Variants in TBXAS1 observed in about 807,000 individuals in gnomAD.
TBXAS1 encodes thromboxane A synthase 1, also known as thromboxane-A synthase.
Under a neutral mutation model 60.7 loss-of-function variants are expected in TBXAS1, and 48 were observed. The observed-to-expected ratio is 0.79, with a 90% CI of 0.63 to 1.01. The LOEUF (loss-of-function observed/expected upper bound fraction) is 1.01, where lower values mean the gene tolerates loss of function less well. Among genes scored for constraint, TBXAS1 ranks in the 50% least tolerant of loss-of-function variants. The pLI, the probability that TBXAS1 is intolerant of heterozygous loss-of-function variation, is 0.00. For missense variants in TBXAS1, 685 were observed against 686.3 expected, an observed-to-expected ratio of 1.00 and a Z score of 0.02; for synonymous variants, 287 against 269.7, an observed-to-expected ratio of 1.06 and a Z score of -0.63.
chr7:140,020,172 T>G lies in TBXAS1; in HGVS notation c.*73T>G. The G allele has an allele frequency of 6.7e-7, 1 of 1,481,804 alleles. No individual in the cohort carries two copies. Among genetic ancestry groups the G allele is most frequent in the Non-Finnish European group, 9.4e-7 (1 of 1,061,840 alleles). 91.8% of individuals were successfully genotyped at this position (1,481,804 alleles called of 1,614,324 possible). ...AACCCTAAGTGTGGATGTTCAGAATTTTGGAAAAATGTCACTGAAGTGATT... is the reference window on the plus strand; with the variant it reads ...AACCCTAAGTGTGGATGTTCAGAATGTTGGAAAAATGTCACTGAAGTGATT... On this transcript the variant is annotated 3_prime_UTR_variant, in exon 13 of 13. Coordinates refer to ENST00000448866, the MANE Select transcript of TBXAS1 (RefSeq NM_001061.7).
intron 1 of TBXAS1, among the ~76,000 whole-genome samples, chr7:139,865,897 G>A (rs1584715573): frequency 1.4e-5 from 2 of 142,550 alleles, no homozygotes; most frequent in South Asian, 2.3e-4. Flanking sequence ...GAGGAAGGAG[G>A]GAGGGAGGAA....
rs1392520919 is a variant in TBXAS1, at chr7:139,984,849, AAAAG to A, written c.1135-22231_1135-22228del. ...AGAAAGAAAGAGGAAGGAAGGAAGG[AAAAG>A]AAAGAAAGAAGAAAGAGAAAGAAAG... On this transcript the variant is annotated intron_variant, in intron 9 of 12. Coordinates refer to ENST00000448866, the MANE Select transcript of TBXAS1 (RefSeq NM_001061.7). Among the ~76,000 whole-genome samples the A allele has an allele frequency of 3.4e-3, 510 of 150,794 alleles. 6 individuals are homozygous for A. Among genetic ancestry groups the A allele is most frequent in the African/African-American group, 0.011 (472 of 41,068 alleles).
At chr7:139,980,566 A>G (rs1811888621) in intron 9 of TBXAS1, among the ~76,000 whole-genome samples, 1 of 152,122 alleles carries the variant, frequency 6.6e-6, no homozygotes, top group Admixed American at 6.5e-5. Context: ...AGTCATTTTC[A>G]GAAAGTTAGG....
rs1332151448 is a variant in TBXAS1, at chr7:140,007,141, G to A, written c.1185G>A (p.Met395Ile). ...SLEEGLPYLD[M>I]VIAETLRMYP... ...AGGAAGGCCTGCCCTATCTGGACATGGTGATTGCAGAGACGCTGAGGATGT... is the reference window on the plus strand; with the variant it reads ...AGGAAGGCCTGCCCTATCTGGACATAGTGATTGCAGAGACGCTGAGGATGT... The change falls in exon 10 of 13, where the codon ATG becomes ATA. Residue 395 changes from methionine (M) to isoleucine (I), a missense_variant. Coordinates refer to ENST00000448866, the MANE Select transcript of TBXAS1 (RefSeq NM_001061.7). The A allele has an allele frequency of 1.9e-6, 3 of 1,614,180 alleles. No homozygotes were observed. Among genetic ancestry groups the A allele is most frequent in the South Asian group, 1.1e-5 (1 of 91,084 alleles).
intron 1 of TBXAS1, among the ~76,000 whole-genome samples, chr7:139,845,214 G>C (rs1369071096): frequency 1.3e-5 from 2 of 152,024 alleles, no homozygotes; most frequent in African/African-American, 4.8e-5. Flanking sequence ...TGCAGCCACC[G>C]GCTCACTGCT....
chr7:139,865,559 G>C (rs1801284854), intron 1 of TBXAS1, among the ~76,000 whole-genome samples: 1 of 148,144 alleles, frequency 6.8e-6, no homozygotes, highest in African/African-American at 2.5e-5. Context: ...ACCATACTGT[G>C]GGAATGAGGG....
rs55681043 is a variant in TBXAS1 at position 139,809,233 on chromosome 7, T to TGATAGATAGATA, written c.-79-20052_-79-20041dup. Among the ~76,000 whole-genome samples, 574 of 131,066 alleles carry TGATAGATAGATA rather than the reference T, an allele frequency of 4.4e-3. 5 individuals carry two copies. The highest frequency in any genetic ancestry group is 7.5e-3 in the Middle Eastern group (2 of 268). 86.0% of individuals were successfully genotyped at this position (131,066 alleles called of 152,430 possible). ...ATAGATAGATAGATAGATAGATAGA[T>TGATAGATAGATA]GATAGATAGATAGATAGATAGATAG... On this transcript the variant is annotated intron_variant, in intron 4 of 16. Transcript: ENST00000336425.
chr7:139,848,514 T>G (rs908806398), intron 1 of TBXAS1, among the ~76,000 whole-genome samples: 1 of 152,230 alleles, frequency 6.6e-6, no homozygotes, highest in African/African-American at 2.4e-5. Context: ...ACAATGTTTA[T>G]TTTTCTCATG....
intron 1 of TBXAS1, among the ~76,000 whole-genome samples, chr7:139,834,612 C>T (rs112986620): frequency 1.2e-3 from 178 of 152,220 alleles, no homozygotes; most frequent in Middle Eastern, 6.8e-3. Flanking sequence ...ACCCAAATAA[C>T]GTCACTGAGA....
At chr7:139,905,004 TCTC>T (rs1804890033) in intron 3 of TBXAS1, among the ~76,000 whole-genome samples, 1 of 84,284 alleles carries the variant, frequency 1.2e-5, no homozygotes, top group Admixed American at 1.1e-4. Context: ...TCTCTCTTTC[TCTC>T]TTTCTTTCTT....
intron 4 of TBXAS1, among the ~76,000 whole-genome samples, chr7:139,928,149 G>A (rs1347396330): frequency 6.6e-6 from 1 of 152,156 alleles, no homozygotes; most frequent in East Asian, 1.9e-4. Context: ...ATTTTTAGGT[G>A]AAGGAAGTCT....
Position 139,896,942 on chromosome 7 carries a change from C to T in TBXAS1, c.237-14283C>T, listed in dbSNP as rs947321678. On this transcript the variant is annotated intron_variant, in intron 3 of 12. Coordinates refer to ENST00000448866, the MANE Select transcript of TBXAS1 (RefSeq NM_001061.7). The surrounding 1 kb of genome is among the most constrained non-coding windows in gnomAD (Gnocchi z 4.0). ...GTTTTACAAAGGTGATTGGCCTTGG[C>T]GGGAGGGTTGGTTTGGAGACAGAGA... 5.3e-5 allele frequency among the ~76,000 whole-genome samples: 8 copies of T among 152,040 alleles called. No homozygotes were observed. The highest frequency in any genetic ancestry group is 1.9e-4 in the East Asian group (1 of 5,186).
intron 4 of TBXAS1, among the ~76,000 whole-genome samples, chr7:139,914,378 A>C (rs923679518): frequency 6.6e-6 from 1 of 152,070 alleles, no homozygotes; most frequent in Non-Finnish European, 1.5e-5. Flanking sequence ...GCTCTTTTTA[A>C]AAATATCCAT....
intron 5 of TBXAS1, among the ~76,000 whole-genome samples, chr7:139,947,868 CTT>C (rs5887941): frequency 1.7e-3 from 253 of 145,902 alleles, no homozygotes; most frequent in Middle Eastern, 3.6e-3. Context: ...AAACAACAGA[CTT>C]TTTTTTTTTT....
chr7:139,971,717 C>T (rs1364416138), intron 9 of TBXAS1, among the ~76,000 whole-genome samples: 1 of 152,136 alleles, frequency 6.6e-6, no homozygotes, highest in Admixed American at 6.5e-5. Context: ...CTCCCAGGAG[C>T]CTCAGCAGTG....
rs1241109568 is a variant in TBXAS1 at position 139,796,402 on chromosome 7, G to A, written c.-80+8976G>A. Among the ~76,000 whole-genome samples, 4 of 152,354 alleles carry A rather than the reference G, an allele frequency of 2.6e-5. No homozygotes were observed. The East Asian group carries it at 5.8e-4, about 22-fold the overall frequency. On this transcript the variant is annotated intron_variant, in intron 4 of 16. Transcript: ENST00000336425. ...AGCCAATCCAAAAAGGCTGCATACTGTGTGATTCCAACTATGATATTCTGG... is the reference window on the plus strand; with the variant it reads ...AGCCAATCCAAAAAGGCTGCATACTATGTGATTCCAACTATGATATTCTGG...
At chr7:139,869,925 T>C (rs1176958982) in intron 1 of TBXAS1, among the ~76,000 whole-genome samples, 3 of 152,182 alleles carry the variant, frequency 2.0e-5, no homozygotes, top group Admixed American at 2.0e-4. Flanking sequence ...AAGGAAGTGG[T>C]AGGGAGACAA....
chr7:139,810,867 T>C (rs533842133), intron 4 of TBXAS1, among the ~76,000 whole-genome samples: 89 of 152,352 alleles, frequency 5.8e-4, no homozygotes, highest in African/African-American at 2.1e-3. Flanking sequence ...CAAAAATAAA[T>C]ATTTAAAAGC....
chr7:139,826,687 G>T (rs183019623), upstream of TBXAS1, among the ~76,000 whole-genome samples: 11 of 152,256 alleles, frequency 7.2e-5, no homozygotes, highest in Non-Finnish European at 5.9e-5. Context: ...AGATTTACCC[G>T]CTAGGTGTGT....
Sources: gnomAD v4.1 joint callset for allele counts (sites outside exome capture counted in the v4.1 genomes callset) on GRCh38, gnomAD v4.1.1 for gene constraint, Gnocchi (gnomAD v3.1) non-coding constraint, MANE v1.5 for transcripts, NCBI Gene and HGNC (gene_info 2026-07-23, HGNC 2026-07-21) for gene names.